COL5A1: variants seen among roughly 807,000 people sequenced by gnomAD.
The protein encoded by COL5A1 is collagen type V alpha 1 chain.
Under a neutral mutation model 263.7 loss-of-function variants are expected in COL5A1, and 16 were observed. The ratio of observed to expected loss-of-function variants is 0.06; its 90% CI spans 0.04 to 0.09. The LOEUF is 0.09. COL5A1 is among the 10% of genes least tolerant of loss of function. The pLI is 1.00. For missense variants in COL5A1, 2,036 were observed against 2,540.5 expected (o/e 0.80, Z 4.27); for synonymous variants, 1,012 against 1,004.5 (o/e 1.01, Z -0.14).
chr9:134,828,276 AGCCTC>A (rs1258041165), intron 63 of COL5A1, among the ~76,000 whole-genome samples: 2 of 152,190 alleles, frequency 1.3e-5, no homozygotes, highest in Non-Finnish European at 2.9e-5. Context: ...GTGTGTCTGC[AGCCTC>A]GGCCTCTGTG....
intron 13 of COL5A1, among the ~76,000 whole-genome samples, chr9:134,752,353 G>A (rs1835811846): frequency 1.3e-5 from 2 of 151,540 alleles, no homozygotes; most frequent in African/African-American, 4.9e-5. Context: ...GGAAACGGGG[G>A]CCCACTGGCT....
chr9:134,646,553 G>T (rs1288070767), intron 1 of COL5A1, among the ~76,000 whole-genome samples: 1 of 152,212 alleles, frequency 6.6e-6, no homozygotes, highest in Non-Finnish European at 1.5e-5. Flanking sequence ...GGTGCTCCCA[G>T]TATCTGTTTG....
intron 1 of COL5A1, among the ~76,000 whole-genome samples, chr9:134,684,684 G>A (rs1832955528): frequency 6.6e-6 from 1 of 152,240 alleles, no homozygotes; most frequent in Non-Finnish European, 1.5e-5. Flanking sequence ...AGCTCTGGAG[G>A]AGCAGAGAAG....
chr9:134,749,494 C>A (rs1317965468), intron 11 of COL5A1, among the ~76,000 whole-genome samples: 1 of 152,218 alleles, frequency 6.6e-6, no homozygotes, highest in Non-Finnish European at 1.5e-5. Flanking sequence ...TAGGTTCAGG[C>A]CCAGATGGCT....
rs1384517313 is a variant in COL5A1, at chr9:134,642,899, T to C, written c.109+603T>C. ...GGCACTGGGGACCCCTGCAGGGTGG[T>C]AGACAGCCCTGCTCCTAATCCCACC... is the stretch of plus-strand genomic sequence containing the variant. On this transcript the variant is annotated intron_variant, in intron 1 of 65. Transcript: ENST00000371817. The surrounding 1 kb of genome is among the most constrained non-coding windows in gnomAD (Gnocchi z 4.5). Among the ~76,000 whole-genome samples the C allele has an allele frequency of 6.6e-6, 1 of 152,200 alleles. No individual in the cohort carries two copies. The highest frequency in any genetic ancestry group is 1.5e-5 in the Non-Finnish European group (1 of 68,026).
rs571788196 is a variant in COL5A1, at chr9:134,814,055, C to A, written c.3906+19C>A. 13 of 1,550,082 alleles carry A rather than the reference C, an allele frequency of 8.4e-6. No individual in the cohort carries two copies. The highest frequency in any genetic ancestry group is 5.9e-5 in the Admixed American group (3 of 50,974). ...CCCCCCGGTGAGTGAGCGGGCGCTG[C>A]GGGAGGGGTGGGATATGGCCGAGCG... On this transcript the variant is annotated intron_variant, in intron 49 of 65. Coordinates refer to ENST00000371817, the MANE Select transcript of COL5A1 (RefSeq NM_000093.5).
intron 10 of COL5A1, 46 bp downstream of exon 10, chr9:134,738,561 TG>T (rs1403509960): frequency 1.9e-6 from 3 of 1,612,608 alleles, no homozygotes; most frequent in Non-Finnish European, 1.7e-6. Flanking sequence ...GTGCTCTTGG[TG>T]GGGTGGGGTT....
intron 63 of COL5A1, among the ~76,000 whole-genome samples, chr9:134,826,718 G>C (rs111073278): frequency 0.71 from 103,910 of 147,194 alleles, 36,448 homozygotes; most frequent in South Asian, 0.8. Flanking sequence ...GGGGTGTGTG[G>C]GTGGTGTGTG....
At chr9:134,752,717 A>G (rs1032190690) in intron 14 of COL5A1, 72 bp downstream of exon 14, 2 of 1,249,182 alleles carry the variant, frequency 1.6e-6, no homozygotes, top group South Asian at 2.4e-5. Context: ...GTTGGCGGAC[A>G]GTGGCAGGTG....
intron 9 of COL5A1, among the ~76,000 whole-genome samples, chr9:134,736,199 G>A (rs1454909380): frequency 3.1e-5 from 3 of 95,760 alleles, no homozygotes; most frequent in Non-Finnish European, 6.2e-5. Flanking sequence ...CTTGTCAGAA[G>A]TGAGCTTAGT....
At position 134,792,855 on chromosome 9, in the gene COL5A1, A is replaced by C. The variant is rs1413934458; in HGVS notation, c.2701-2227A>C. On this transcript the variant is annotated intron_variant, in intron 32 of 65. Coordinates refer to ENST00000371817, the MANE Select transcript of COL5A1 (RefSeq NM_000093.5). ...TGCATGTGTATGTGTGTGTGCGCAC[A>C]CGTGTGTGTGCGCGCGTTTGTGCAC... 4.2e-3 allele frequency among the ~76,000 whole-genome samples: 183 copies of C among 43,514 alleles called. 1 individual carries two copies. The highest frequency in any genetic ancestry group is 0.011 in the African/African-American group (177 of 15,866). 28.5% of individuals were successfully genotyped at this position (43,514 alleles called of 152,430 possible). A position where few individuals can be genotyped will look rare whatever the true frequency, so the allele number is the denominator to read the frequency against.
intron 1 of COL5A1, among the ~76,000 whole-genome samples, chr9:134,669,436 T>C (rs991582213): frequency 1.6e-4 from 24 of 151,990 alleles, no homozygotes; most frequent in African/African-American, 5.5e-4. Context: ...GATTTTGTCA[T>C]AGCACTGGGC....
intron 14 of COL5A1, 118 bp downstream of exon 14, chr9:134,752,763 T>C: frequency 1.3e-6 from 1 of 784,342 alleles, no homozygotes; most frequent in Non-Finnish European, 2.2e-6. Flanking sequence ...CGGCCCTTGG[T>C]CCAGTGCCTG....
chr9:134,814,947 G>A (rs372030912), intron 50 of COL5A1, 43 bp downstream of exon 50: 76 of 1,384,384 alleles, frequency 5.5e-5, no homozygotes, highest in African/African-American at 1.9e-4. Context: ...CAGCAGGGGC[G>A]GGGCTCTGCA....
chr9:134,809,518 C>T (rs1838433500), intron 43 of COL5A1, among the ~76,000 whole-genome samples: 2 of 152,206 alleles, frequency 1.3e-5, no homozygotes, highest in African/African-American at 2.4e-5. Context: ...AGAAACCACA[C>T]CCTCCTGTGT....
chr9:134,708,824 C>T (rs1833934246), intron 4 of COL5A1: 3 of 456,606 alleles, frequency 6.6e-6, no homozygotes, highest in South Asian at 1.5e-5. Flanking sequence ...ATTCCAAGAT[C>T]GAGGTGTGGG....
chr9:134,752,558 C>T, intron 13 of COL5A1, 31 bp from the exon 14 acceptor site: 1 of 1,590,330 alleles, frequency 6.3e-7, no homozygotes, highest in Non-Finnish European at 8.6e-7. Flanking sequence ...TGCTGGGGCC[C>T]TGTCTCAGCG....
chr9:134,775,554 CTG>C (rs1372211080), intron 27 of COL5A1, among the ~76,000 whole-genome samples: 1 of 152,224 alleles, frequency 6.6e-6, no homozygotes, highest in African/African-American at 2.4e-5. Context: ...GCCCAGCTAA[CTG>C]TGTTTGCTCT....
chr9:134,760,639 TCATA>T (rs1462344984), intron 18 of COL5A1, among the ~76,000 whole-genome samples: 3,379 of 36,224 alleles, frequency 0.093, 155 homozygotes, highest in African/African-American at 0.14. Flanking sequence ...ACCCCCACAC[TCATA>T]CACTCATGCA....
Sources: allele counts gnomAD v4.1 joint callset (sites outside exome capture counted in the v4.1 genomes callset), GRCh38; gene constraint gnomAD v4.1.1; non-coding constraint Gnocchi (gnomAD v3.1); transcripts MANE v1.5; gene names NCBI Gene and HGNC (gene_info 2026-07-23, HGNC 2026-07-21).